The following PRKCB variants were observed in gnomAD, a reference collection of about 807,000 sequenced individuals.
PRKCB encodes the protein protein kinase C beta, also known as protein kinase C beta type.
In PRKCB, 13 loss-of-function variants were observed where a neutral mutation model predicts 81.5. The observed-to-expected ratio is 0.16, with a 90% CI of 0.10 to 0.25. The LOEUF is 0.25. Among genes scored for constraint, PRKCB ranks in the 10% least tolerant of loss-of-function variants. PRKCB has a pLI of 1.00. For missense variants in PRKCB, 509 were observed against 875.7 expected, an observed-to-expected ratio of 0.58 and a Z score of 5.29; for synonymous variants, 335 against 321.4, an observed-to-expected ratio of 1.04 and a Z score of -0.45.
At chr16:24,058,191 T>G (rs1965928609) in intron 5 of PRKCB, among the ~76,000 whole-genome samples, 1 of 152,160 alleles carries the variant, frequency 6.6e-6, no homozygotes, top group Non-Finnish European at 1.5e-5. Context: ...AAATGTCACC[T>G]TCTCAGAAAG....
At chr16:23,877,802 G>A (rs931059327) in intron 2 of PRKCB, among the ~76,000 whole-genome samples, 1 of 151,716 alleles carries the variant, frequency 6.6e-6, no homozygotes, top group African/African-American at 2.4e-5. Flanking sequence ...ATTTAAGACT[G>A]ACAGTACTCT....
At chr16:23,983,784 C>T (rs753128840) in intron 2 of PRKCB, among the ~76,000 whole-genome samples, 34 of 151,852 alleles carry the variant, frequency 2.2e-4, no homozygotes, top group African/African-American at 3.4e-4. Context: ...GGCGTGATCT[C>T]GGCTCACTGC....
intron 2 of PRKCB, among the ~76,000 whole-genome samples, chr16:23,881,134 G>A (rs1184265728): frequency 1.3e-5 from 2 of 152,008 alleles, no homozygotes; most frequent in African/African-American, 4.8e-5. Flanking sequence ...TCTTCACTCT[G>A]TGATGCTCCT....
intron 2 of PRKCB, among the ~76,000 whole-genome samples, chr16:23,944,119 T>C (rs1466759407): frequency 6.6e-6 from 1 of 152,182 alleles, no homozygotes; most frequent in Non-Finnish European, 1.5e-5. Context: ...GCCTGAAGTC[T>C]CAGAATAAAG....
chr16:24,215,637 T>C lies in PRKCB; in HGVS notation c.*821T>C, dbSNP rs1289355679. On this transcript the variant is annotated 3_prime_UTR_variant, in exon 17 of 17. Transcript: ENST00000643927. ...GGTTTTGTTTCTGTTGTTGTTCAAA[T>C]GCAAAAAAAAGAAAAAAAAAGAAAA... 4 of 981,338 alleles carry C rather than the reference T, an allele frequency of 4.1e-6. No homozygotes were observed. Among genetic ancestry groups the C allele is most frequent in the Non-Finnish European group, 3.6e-6 (3 of 828,606 alleles). The allele number at this position is 981,338 out of a possible 1,614,324, so 60.8% of individuals were successfully genotyped here.
At chr16:23,918,051 G>A (rs1167966388) in intron 2 of PRKCB, among the ~76,000 whole-genome samples, 1 of 152,158 alleles carries the variant, frequency 6.6e-6, no homozygotes, top group East Asian at 1.9e-4. Flanking sequence ...AATAAAATGG[G>A]GTTTATCAGC....
intron 9 of PRKCB, among the ~76,000 whole-genome samples, chr16:24,152,446 TG>T (rs1378768956): frequency 6.6e-6 from 1 of 152,198 alleles, no homozygotes; most frequent in African/African-American, 2.4e-5. Context: ...GGGTGTCCAC[TG>T]TCAAGGACAG....
At chr16:24,143,583 G>T (rs181003721) in intron 9 of PRKCB, among the ~76,000 whole-genome samples, 1 of 152,062 alleles carries the variant, frequency 6.6e-6, no homozygotes, top group East Asian at 1.9e-4. Context: ...ACTAGGGATC[G>T]TGTGATCCCC....
chr16:23,854,204 C>T (rs180724328), intron 2 of PRKCB, among the ~76,000 whole-genome samples: 197 of 151,952 alleles, frequency 1.3e-3, no homozygotes, highest in Non-Finnish European at 2.3e-3. Context: ...CTGTGGACAT[C>T]CCAAGCAGAT....
At chr16:23,936,573 C>G (rs1964060502) in intron 2 of PRKCB, among the ~76,000 whole-genome samples, 2 of 136,454 alleles carry the variant, frequency 1.5e-5, no homozygotes. Context: ...CCACCACACC[C>G]AACTAATTTT....
intron 5 of PRKCB, among the ~76,000 whole-genome samples, chr16:24,041,060 TTG>T (rs201087084): frequency 7.3e-6 from 1 of 137,210 alleles, no homozygotes; most frequent in Non-Finnish European, 1.6e-5. Context: ...ATAATTTTTT[TTG>T]TGTGTGTGTG....
At chr16:24,022,223 T>C (rs753807633) in intron 3 of PRKCB, among the ~76,000 whole-genome samples, 51 of 151,842 alleles carry the variant, frequency 3.4e-4, no homozygotes, top group Non-Finnish European at 5.6e-4. Flanking sequence ...TCACATGGGG[T>C]TGGATTCCAG....
intron 9 of PRKCB, among the ~76,000 whole-genome samples, chr16:24,132,597 A>T (rs1313662654): frequency 6.6e-6 from 1 of 152,144 alleles, no homozygotes; most frequent in Admixed American, 6.5e-5. Context: ...CTCTGTTATA[A>T]GTGCTTAGTA....
At chr16:23,888,383 G>A (rs1160549174) in intron 2 of PRKCB, among the ~76,000 whole-genome samples, 1 of 152,180 alleles carries the variant, frequency 6.6e-6, no homozygotes, top group East Asian at 1.9e-4. Context: ...CCCTCCTCTA[G>A]GAGATGGTGG....
At chr16:23,926,256 G>A (rs1045411703) in intron 2 of PRKCB, among the ~76,000 whole-genome samples, 12 of 152,038 alleles carry the variant, frequency 7.9e-5, no homozygotes, top group African/African-American at 2.7e-4. Flanking sequence ...GGGTGACAGA[G>A]TGAGACCCTG....
chr16:24,143,197 A>G (rs1229608310), intron 9 of PRKCB, among the ~76,000 whole-genome samples: 1 of 151,998 alleles, frequency 6.6e-6, no homozygotes, highest in African/African-American at 2.4e-5. Context: ...CAGTGGCATG[A>G]TCTCGGCTCA....
intron 16 of PRKCB, among the ~76,000 whole-genome samples, chr16:24,192,006 A>G (rs1596591419): frequency 6.6e-6 from 1 of 152,226 alleles, no homozygotes; most frequent in Admixed American, 6.5e-5. Flanking sequence ...AATAGAGGGC[A>G]GACTTGGTGA....
At chr16:24,162,441 A>ATT (rs1567397400) in intron 10 of PRKCB, among the ~76,000 whole-genome samples, 4 of 119,798 alleles carry the variant, frequency 3.3e-5, no homozygotes, top group African/African-American at 1.0e-4. Flanking sequence ...AACAGAGAAG[A>ATT]CTTTTTTTTT....
At chr16:24,122,281 C>T (rs9925581) in intron 8 of PRKCB, among the ~76,000 whole-genome samples, 3,068 of 151,994 alleles carry the variant, frequency 0.02, 80 homozygotes, top group African/African-American at 0.069. Flanking sequence ...GAGGCCAGTG[C>T]GGAAGTAGAA....
Sources: gnomAD v4.1 joint callset for allele counts (sites outside exome capture counted in the v4.1 genomes callset) on GRCh38, gnomAD v4.1.1 for gene constraint, MANE v1.5 for transcripts, NCBI Gene and HGNC (gene_info 2026-07-23, HGNC 2026-07-21) for gene names.